The following SLC30A7 variants were observed in gnomAD, a reference collection of about 807,000 sequenced individuals.
SLC30A7 encodes the protein solute carrier family 30 member 7, also known as zinc transporter 7.
In SLC30A7, 35 loss-of-function variants were observed where a neutral mutation model predicts 46.0. The ratio of observed to expected loss-of-function variants is 0.76; its 90% CI spans 0.58 to 1.01. SLC30A7 has a LOEUF of 1.01. SLC30A7 is among the 50% of genes least tolerant of loss of function. The pLI is 0.00. For synonymous variants in SLC30A7, 147 were observed against 157.8 expected, an observed-to-expected ratio of 0.93 and a Z score of 0.51; for missense variants, 464 against 451.1, an observed-to-expected ratio of 1.03 and a Z score of -0.26.
chr1:100,905,888 C>A (rs1420796053), intron 2 of SLC30A7, among the ~76,000 whole-genome samples: 3 of 152,168 alleles, frequency 2.0e-5, no homozygotes, highest in Non-Finnish European at 4.4e-5. Context: ...ATTTCTGGTT[C>A]TGTTGACTGT....
At chr1:100,912,013 C>T in intron 4 of SLC30A7, 99 bp from the exon 5 acceptor site, 3 of 1,108,236 alleles carry the variant, frequency 2.7e-6, no homozygotes, top group South Asian at 1.8e-5. Context: ...TTTTTAATTC[C>T]AAAAATAACT....
the SLC30A7 span, chr1:100,990,347 C>T: frequency 6.6e-7 from 1 of 1,504,412 alleles, no homozygotes; most frequent in Admixed American, 1.7e-5. Flanking sequence ...GGGGATACAT[C>T]CAAACCATAT....
intron 2 of SLC30A7, among the ~76,000 whole-genome samples, chr1:100,906,286 C>G (rs570818054): frequency 2.0e-5 from 3 of 152,092 alleles, no homozygotes; most frequent in Non-Finnish European, 4.4e-5. Context: ...ATACTTTATT[C>G]AAGACTTGGT....
intron 8 of SLC30A7, among the ~76,000 whole-genome samples, chr1:100,922,828 C>T (rs758744547): frequency 6.6e-6 from 1 of 151,968 alleles, no homozygotes; most frequent in Non-Finnish European, 1.5e-5. Context: ...AATGATAAGA[C>T]ATTATGTTCC....
At chr1:100,942,830 A>G (rs1467143321) in intron 8 of SLC30A7, among the ~76,000 whole-genome samples, 2 of 152,218 alleles carry the variant, frequency 1.3e-5, no homozygotes, top group Non-Finnish European at 2.9e-5. Context: ...CTGTGTATGA[A>G]AAAAGTAAAA....
At chr1:100,927,812 G>A (rs1653403519) in intron 8 of SLC30A7, among the ~76,000 whole-genome samples, 1 of 152,094 alleles carries the variant, frequency 6.6e-6, no homozygotes, top group Non-Finnish European at 1.5e-5. Flanking sequence ...AAAGTGTTAG[G>A]TTCAGTGGTC....
the SLC30A7 span, among the ~76,000 whole-genome samples, chr1:100,988,426 C>CACCATT: frequency 2.0e-5 from 3 of 152,182 alleles, no homozygotes; most frequent in Non-Finnish European, 4.4e-5. Context: ...CAAGCTATTA[C>CACCATT]ACCATTACCA....
intron 5 of SLC30A7, among the ~76,000 whole-genome samples, chr1:100,912,921 A>G (rs2101019416): frequency 6.6e-6 from 1 of 152,078 alleles, no homozygotes; most frequent in African/African-American, 2.4e-5. Context: ...TACTATGTAA[A>G]TATGTCTTGG....
chr1:100,995,724 A>C, the SLC30A7 span: 3 of 152,450 alleles, frequency 2.0e-5, no homozygotes, highest in Non-Finnish European at 4.4e-5. Flanking sequence ...TGCTCTCTAG[A>C]AGCTTGACAG....
At position 100,909,455 on chromosome 1, in the gene SLC30A7, C is replaced by T. The variant is rs80320988; in HGVS notation, c.297-1608C>T. Among the ~76,000 whole-genome samples, 242 of 152,096 alleles carry T rather than the reference C, an allele frequency of 1.6e-3. 1 individual carries two copies. The highest frequency in any genetic ancestry group is 2.5e-3 in the Admixed American group (38 of 15,282). On this transcript the variant is annotated intron_variant, in intron 3 of 10. Transcript: ENST00000357650. ...ACATACATGCGTATATACATATGTA[C>T]CTATACTTAAATCTTTTCTATTTTT...
intron 2 of SLC30A7, among the ~76,000 whole-genome samples, chr1:100,899,164 A>G (rs1202169410): frequency 6.6e-6 from 1 of 152,212 alleles, no homozygotes; most frequent in African/African-American, 2.4e-5. Context: ...CCTTCCCACT[A>G]GAACGTAAAC....
At chr1:100,941,204 A>C (rs781213015) in intron 8 of SLC30A7, 185 of 371,852 alleles carry the variant, frequency 5.0e-4, no homozygotes, top group Middle Eastern at 1.0e-3. Context: ...AGCTTTCAGC[A>C]CCTCCAAATT....
chr1:100,934,511 G>C (rs1570551684), intron 8 of SLC30A7, among the ~76,000 whole-genome samples: 1 of 151,778 alleles, frequency 6.6e-6, no homozygotes, highest in Admixed American at 6.6e-5. Context: ...TTCATATTAT[G>C]GTAAAAAGAA....
At chr1:100,966,632 G>T (rs1400015975) in intron 10 of SLC30A7, among the ~76,000 whole-genome samples, 1 of 152,036 alleles carries the variant, frequency 6.6e-6, no homozygotes, top group Non-Finnish European at 1.5e-5. Flanking sequence ...CACAGACAGA[G>T]TCAAGTTTGG....
At chr1:100,972,837 A>G (rs1049295943) in intron 10 of SLC30A7, among the ~76,000 whole-genome samples, 1 of 152,096 alleles carries the variant, frequency 6.6e-6, no homozygotes, top group African/African-American at 2.4e-5. Flanking sequence ...TATCTGTCAA[A>G]TATTGGATGA....
At chr1:100,953,583 C>G (rs1655068233) in intron 8 of SLC30A7, among the ~76,000 whole-genome samples, 1 of 152,166 alleles carries the variant, frequency 6.6e-6, no homozygotes, top group African/African-American at 2.4e-5. Context: ...TGTGTCCATC[C>G]TTACCTAACC....
At chr1:100,987,365 A>G in the SLC30A7 span, among the ~76,000 whole-genome samples, 1 of 152,288 alleles carries the variant, frequency 6.6e-6, no homozygotes, top group African/African-American at 2.4e-5. Context: ...TACATATGTT[A>G]AATAGCTTGA....
the SLC30A7 span, among the ~76,000 whole-genome samples, chr1:100,988,663 T>C: frequency 6.6e-6 from 1 of 151,332 alleles, no homozygotes; most frequent in Admixed American, 6.6e-5. Context: ...CTGGCCAACA[T>C]GGCGAAACCC....
intron 8 of SLC30A7, among the ~76,000 whole-genome samples, chr1:100,960,011 T>A (rs1655452437): frequency 6.6e-6 from 1 of 152,190 alleles, no homozygotes; most frequent in Non-Finnish European, 1.5e-5. Context: ...GAGAACTTGG[T>A]GATTTAAGGG....
Sources: allele counts gnomAD v4.1 joint callset (sites outside exome capture counted in the v4.1 genomes callset), GRCh38; gene constraint gnomAD v4.1.1; transcripts MANE v1.5; gene names NCBI Gene and HGNC (gene_info 2026-07-23, HGNC 2026-07-21).